The following FBN3 variants were observed in gnomAD, a reference collection of about 807,000 sequenced individuals.
FBN3 encodes fibrillin 3.
A neutral mutation model predicts 330.1 loss-of-function variants in FBN3; 234 were observed. The observed-to-expected ratio is 0.71, with a 90% CI of 0.64 to 0.79. The LOEUF (loss-of-function observed/expected upper bound fraction) is 0.79, where lower values mean the gene tolerates loss of function less well. FBN3 is among the 30% of genes least tolerant of loss of function. The probability of loss-of-function intolerance (pLI) is 0.00; values close to 1 mark genes in which losing one functional copy is unlikely to be tolerated. For synonymous variants in FBN3, 1,458 were observed against 1,517.3 expected (o/e 0.96, Z 0.91); for missense variants, 3,606 against 3,886.9 (o/e 0.93, Z 1.92).
intron 25 of FBN3, among the ~76,000 whole-genome samples, chr19:8,119,840 A>T (rs374959254): frequency 0.016 from 629 of 40,578 alleles, 3 homozygotes; most frequent in Middle Eastern, 0.026. Flanking sequence ...TTTTTTTTTG[A>T]GACAGATTTT....
chr19:8,085,298 C>T, intron 56 of FBN3, 65 bp downstream of exon 56: 4 of 1,386,624 alleles, frequency 2.9e-6, no homozygotes, highest in Non-Finnish European at 3.9e-6. Flanking sequence ...AGTACAGACA[C>T]ATGACCCTGA....
Position 8,129,045 on chromosome 19 carries a change from T to C in FBN3, c.2279A>G (p.Asp760Gly), listed in dbSNP as rs781762340. 1 of 1,613,362 alleles carries C rather than the reference T, an allele frequency of 6.2e-7. No individual in the cohort carries two copies. The highest frequency in any genetic ancestry group is 8.5e-7 in the Non-Finnish European group (1 of 1,179,762). ...CCCAGTACCTTTGCAGATCTCCGTG[T>C]CCTGCCAGAAGTGGAAGCCGGGGGG... ...SCPPGFHFWQ[D>G]TEICKDVDEC... is the part of the protein sequence containing the mutation. The change falls in exon 18 of 64, where the codon GAC becomes GGC. Residue 760 changes from aspartate to glycine, a missense_variant. Transcript: ENST00000600128. The surrounding 1 kb of genome is among the most constrained non-coding windows in gnomAD (Gnocchi z 4.5).
chr19:8,084,766 T>C (rs111958793), intron 56 of FBN3, among the ~76,000 whole-genome samples: 8,195 of 151,648 alleles, frequency 0.054, 753 homozygotes, highest in African/African-American at 0.19. Context: ...TTTTGTATTT[T>C]TAGTAGAGAT....
rs776187218 is a variant in FBN3, at chr19:8,109,386, T to G, written c.4459A>C (p.Thr1487Pro). Residue 1487 changes from threonine to proline, a missense_variant and splice_region_variant, in exon 36 of 64, where the codon ACT becomes CCT. Transcript: ENST00000600128. The surrounding 1 kb of genome is among the most constrained non-coding windows in gnomAD (Gnocchi z 5.2). Reference sequence around the variant, plus strand: ...TCCAGGAAACAGTTCCCGGCCCGAGTGTCTGAACAGGCAGAAGGGGATGGT... The same window carrying G: ...TCCAGGAAACAGTTCCCGGCCCGAGGGTCTGAACAGGCAGAAGGGGATGGT... ...LNPSGVGCVDTRAGNCFLETH... is the reference protein window; with the variant it reads ...LNPSGVGCVDPRAGNCFLETH... 6.2e-7 allele frequency: 1 copy of G among 1,613,954 alleles called. No individual in the cohort carries two copies. Among genetic ancestry groups the G allele is most frequent in the Non-Finnish European group, 8.5e-7 (1 of 1,179,978 alleles).
chr19:8,134,825 T>C (rs923473995), intron 13 of FBN3, among the ~76,000 whole-genome samples: 3 of 151,510 alleles, frequency 2.0e-5, no homozygotes, highest in Non-Finnish European at 4.4e-5. Context: ...TCCCAGCTAC[T>C]CAGGAGGCTG....
intron 13 of FBN3, 25 bp downstream of exon 13, chr19:8,135,936 G>GGGGGGGGGGGGCCC: frequency 1.5e-6 from 1 of 668,768 alleles, no homozygotes; most frequent in Non-Finnish European, 2.4e-6. Context: ...GGAAGCCCCT[G>GGGGGGGGGGGGCCC]CCCACCCGCC....
At position 8,149,323 on chromosome 19, in the gene FBN3, C is replaced by G. The variant is rs1190449395; in HGVS notation, c.-18+126G>C. On this transcript the variant is annotated intron_variant, in intron 1 of 63. Coordinates refer to ENST00000600128, the MANE Select transcript of FBN3 (RefSeq NM_032447.5). This position sits in a 1 kb window ranked among gnomAD's most constrained non-coding sequence, Gnocchi z 5.5. Reference sequence around the variant, plus strand: ...GGCGGAGAGGGGAGGGGGCTGGGCCCGGGGCTGCCCGGCTGCGAACAAAGG... The same window carrying G: ...GGCGGAGAGGGGAGGGGGCTGGGCCGGGGGCTGCCCGGCTGCGAACAAAGG... The G allele has an allele frequency of 6.6e-6, 1 of 151,774 alleles. No individual in the cohort carries two copies. The highest frequency in any genetic ancestry group is 1.5e-5 in the Non-Finnish European group (1 of 67,906). The allele number at this position is 151,774 out of a possible 1,614,324, so 9.4% of individuals were successfully genotyped here. A position where few individuals can be genotyped will look rare whatever the true frequency, so the allele number is the denominator to read the frequency against.
chr19:8,145,764 G>A, intron 5 of FBN3, 79 bp downstream of exon 5: 1 of 1,067,354 alleles, frequency 9.4e-7, no homozygotes, highest in South Asian at 1.4e-5. Context: ...CTGGGCAGTG[G>A]GCAGGTGGCA....
intron 8 of FBN3, 89 bp from the exon 9 acceptor site, chr19:8,138,653 A>C: frequency 7.3e-7 from 1 of 1,377,444 alleles, no homozygotes. Flanking sequence ...CACTGCCTGT[A>C]GGACGGGTCT....
At position 8,100,931 on chromosome 19, in the gene FBN3, G is replaced by A; in HGVS notation, c.5131C>T (p.Leu1711Phe). Residue 1711 changes from leucine (L) to phenylalanine (F), a missense_variant, in exon 41 of 64, where the codon CTC becomes TTC. By Grantham distance (22) the Leu-to-Phe change is conservative. Coordinates refer to ENST00000600128, the MANE Select transcript of FBN3 (RefSeq NM_032447.5). ...GGCTTCCCCGTGTGGATGTCAGTGA[G>A]GAATCCCGGGGCCTGATTTCCACAC... ...ILCGNQAPGF[L>F]TDIHTGKPLD... The A allele has an allele frequency of 6.2e-7, 1 of 1,613,808 alleles. No individual in the cohort carries two copies. Among genetic ancestry groups the A allele is most frequent in the Non-Finnish European group, 8.5e-7 (1 of 1,179,900 alleles).
chr19:8,138,479 G>A lies in FBN3; in HGVS notation c.951C>T (p.Cys317=). 2 of 1,613,386 alleles carry A rather than the reference G, an allele frequency of 1.2e-6. No homozygotes were observed. Among genetic ancestry groups the A allele is most frequent in the Non-Finnish European group, 1.7e-6 (2 of 1,180,006 alleles). ...CCCAGCACCTGCCCCTGTCACAGCA[G>A]CACTGCCTGCGAGTGTAGTGGCCGG... ...DLAGHYTRRQ[C]CCDRGRCWAA... is the part of the protein sequence containing the mutation. The change falls in exon 9 of 64, where the codon TGC becomes TGT. Residue 317 remains cysteine (C), a synonymous_variant. Transcript: ENST00000600128.
intron 46 of FBN3, among the ~76,000 whole-genome samples, chr19:8,094,993 G>A (rs980652497): frequency 6.6e-6 from 1 of 152,120 alleles, no homozygotes; most frequent in African/African-American, 2.4e-5. Context: ...TTTATTTTGA[G>A]ATAGGATCTT....
Position 8,111,732 on chromosome 19 carries a change from G to A in FBN3, c.4000C>T (p.Pro1334Ser). 3 of 1,612,582 alleles carry A rather than the reference G, an allele frequency of 1.9e-6. No individual in the cohort carries two copies. The highest frequency in any genetic ancestry group is 8.5e-7 in the Non-Finnish European group (1 of 1,178,956). The change falls in exon 32 of 64, where the codon CCA (proline) becomes TCA (serine). Residue 1334 changes from proline to serine, a missense_variant. Physicochemically the swap from Pro to Ser is moderately conservative, Grantham distance 74. Transcript: ENST00000600128. Reference sequence around the variant, plus strand: ...GGGACATTGAGACAGTCACCTCTTGGGCTGCACCGGTGCTCCTGGGAGACG... The same window carrying A: ...GGGACATTGAGACAGTCACCTCTTGAGCTGCACCGGTGCTCCTGGGAGACG... ...ECVSQEHRCS[P>S]RGDCLNVPGS...
At chr19:8,124,870 A>G (rs1038084766) in intron 22 of FBN3, among the ~76,000 whole-genome samples, 5 of 152,314 alleles carry the variant, frequency 3.3e-5, no homozygotes, top group African/African-American at 1.2e-4. Flanking sequence ...ACTACCCTGT[A>G]TGACACTACA....
chr19:8,133,556 T>G (rs1275084052), intron 13 of FBN3, among the ~76,000 whole-genome samples: 1 of 152,134 alleles, frequency 6.6e-6, no homozygotes, highest in Admixed American at 6.5e-5. Context: ...GTTCAAGCGA[T>G]TCTCCTGCTT....
intron 30 of FBN3, among the ~76,000 whole-genome samples, chr19:8,115,130 C>T (rs182725110): frequency 6.6e-6 from 1 of 152,332 alleles, no homozygotes; most frequent in African/African-American, 2.4e-5. Context: ...GCTGGGATTA[C>T]AGGCATGAGC....
chr19:8,088,303 G>A, intron 51 of FBN3, 124 bp from the exon 52 acceptor site: 2 of 1,204,522 alleles, frequency 1.7e-6, no homozygotes, highest in Admixed American at 2.4e-5. Context: ...CCTCTAGTCT[G>A]GCTATGGGGC....
intron 56 of FBN3, 141 bp downstream of exon 56, chr19:8,085,220 GAC>G (rs35473068): frequency 0.17 from 94,785 of 542,008 alleles, 2,604 homozygotes; most frequent in Admixed American, 0.25. Flanking sequence ...CTAGCACAAA[GAC>G]ACACACACAC....
intron 13 of FBN3, among the ~76,000 whole-genome samples, chr19:8,134,875 A>C (rs2083242215): frequency 6.6e-6 from 1 of 151,724 alleles, no homozygotes. Context: ...CAGAGGTTGC[A>C]GTGAGCCAAG....
Sources: gnomAD v4.1 joint callset for allele counts (sites outside exome capture counted in the v4.1 genomes callset) on GRCh38, gnomAD v4.1.1 for gene constraint, Gnocchi (gnomAD v3.1) non-coding constraint, MANE v1.5 for transcripts, NCBI Gene and HGNC (gene_info 2026-07-23, HGNC 2026-07-21) for gene names.